The following IGDCC3 variants were observed in gnomAD, a reference collection of about 807,000 sequenced individuals.
The protein encoded by IGDCC3 is putative neuronal cell adhesion molecule.
In IGDCC3, 47 loss-of-function variants were observed where a neutral mutation model predicts 72.0. That is an observed-to-expected ratio of 0.65 (90% CI 0.52 to 0.83). The LOEUF (loss-of-function observed/expected upper bound fraction) is 0.83, where lower values mean the gene tolerates loss of function less well. Among genes scored for constraint, IGDCC3 ranks in the 40% least tolerant of loss-of-function variants. IGDCC3 has a pLI of 0.00. For synonymous variants in IGDCC3, 477 were observed against 472.8 expected (o/e 1.01, Z -0.11); for missense variants, 1,038 against 1,091.3 (o/e 0.95, Z 0.69).
intron 3 of IGDCC3, 27 bp from the exon 4 acceptor site, chr15:65,335,448 C>G (rs1051425549): frequency 1.3e-6 from 2 of 1,591,312 alleles, no homozygotes; most frequent in Non-Finnish European, 1.7e-6. Context: ...CATAGTTGGC[C>G]ACCAGCACAG....
intron 2 of IGDCC3, among the ~76,000 whole-genome samples, chr15:65,364,594 G>C (rs1172846515): frequency 1.3e-5 from 2 of 152,116 alleles, no homozygotes. Flanking sequence ...CAGCACGAAA[G>C]AAAAACAGAG....
Position 65,331,075 on chromosome 15 carries a change from G to A in IGDCC3, c.1536C>T (p.Pro512=), listed in dbSNP as rs1197661902. The change falls in exon 9 of 14, where the codon CCC becomes CCT. Residue 512 remains proline, a synonymous_variant. Coordinates refer to ENST00000327987, the MANE Select transcript of IGDCC3 (RefSeq NM_004884.4). ...CTTCACCCAGGGTGCTAGCTAGGGT[G>A]GGCACAGAGGCTGAGCTGGCCCCCC... The part of the protein sequence containing the change: ...TPRGASSASV[P]TLASTLGEAP... 1 of 1,613,924 alleles carries A rather than the reference G, an allele frequency of 6.2e-7. No homozygotes were observed. Among genetic ancestry groups the A allele is most frequent in the African/African-American group, 1.3e-5 (1 of 74,926 alleles).
Position 65,342,382 on chromosome 15 carries a change from G to A in IGDCC3, c.410-6426C>T, listed in dbSNP as rs141309157. On this transcript the variant is annotated intron_variant, in intron 2 of 13. Transcript: ENST00000327987. ...GCCTGGGCAACAAGAGTGAAACTCC[G>A]TCTCAAAAAAAAAAAAAAATTAGAA... Among the ~76,000 whole-genome samples, 882 of 148,446 alleles carry A rather than the reference G, an allele frequency of 5.9e-3. 16 individuals are homozygous for A. Among genetic ancestry groups the A allele is most frequent in the African/African-American group, 0.021 (837 of 40,132 alleles).
At chr15:65,358,432 C>T in intron 2 of IGDCC3, among the ~76,000 whole-genome samples, 1 of 152,106 alleles carries the variant, frequency 6.6e-6, no homozygotes, top group East Asian at 1.9e-4. Flanking sequence ...GCTATACAGG[C>T]CACTAGCTTC....
At chr15:65,330,780 T>G in intron 9 of IGDCC3, 39 bp from the exon 10 acceptor site, 1 of 1,441,002 alleles carries the variant, frequency 6.9e-7, no homozygotes, top group Non-Finnish European at 9.5e-7. Flanking sequence ...GAGGACCCAG[T>G]GGAAGCTCTA....
At position 65,331,438 on chromosome 15, in the gene IGDCC3, T is replaced by G; in HGVS notation, c.1370A>C (p.Tyr457Ser). The G allele has an allele frequency of 6.2e-7, 1 of 1,610,930 alleles. No homozygotes were observed. Among genetic ancestry groups the G allele is most frequent in the South Asian group, 1.1e-5 (1 of 90,756 alleles). ...AGCAGCCTTCCTGATGTGCAGGACG[T>G]AGCCGATGATCTCCTTGGTGTTGGC... ...PLANTKEIIG[Y>S]VLHIRKAADP... The change falls in exon 8 of 14, where the codon TAC (tyrosine) becomes TCC (serine). Residue 457 changes from tyrosine to serine, a missense_variant. Tyr to Ser is a moderately radical substitution (Grantham distance 144). Coordinates refer to ENST00000327987, the MANE Select transcript of IGDCC3 (RefSeq NM_004884.4).
At chr15:65,333,466 A>G (rs375016637) in intron 5 of IGDCC3, 51 bp from the exon 6 acceptor site, 44 of 1,506,214 alleles carry the variant, frequency 2.9e-5, no homozygotes, top group Non-Finnish European at 3.0e-5. Flanking sequence ...GAGATATGGA[A>G]GAAGGAAAGT....
intron 2 of IGDCC3, among the ~76,000 whole-genome samples, chr15:65,358,872 C>T (rs1403144708): frequency 6.6e-6 from 1 of 152,212 alleles, no homozygotes; most frequent in Non-Finnish European, 1.5e-5. Context: ...GTCACCCAGG[C>T]TGGAGTGGAG....
At position 65,329,468 on chromosome 15, in the gene IGDCC3, C is replaced by G. The variant is rs751057496; in HGVS notation, c.2127G>C (p.Glu709Asp). Residue 709 changes from glutamate (E) to aspartate (D), a missense_variant, in exon 13 of 14, where the codon GAG (glutamate) becomes GAC (aspartate). By Grantham distance (45) the Glu-to-Asp change is conservative. Transcript: ENST00000327987. This position sits in a 1 kb window ranked among gnomAD's most constrained non-coding sequence, Gnocchi z 4.1. ...RGQRGQLGRD[E>D]KRVDMKELEQ... is the part of the protein sequence containing the mutation. ...CCAGCTCCTTCATATCCACACGTTT[C>G]TCGTCTCGGCCCAGCTGGCCCCGCT... 6.2e-7 allele frequency: 1 copy of G among 1,610,930 alleles called. No individual in the cohort carries two copies. The highest frequency in any genetic ancestry group is 8.5e-7 in the Non-Finnish European group (1 of 1,179,050).
intron 2 of IGDCC3, among the ~76,000 whole-genome samples, chr15:65,352,190 T>G (rs890105779): frequency 6.6e-6 from 1 of 152,200 alleles, no homozygotes; most frequent in Admixed American, 6.5e-5. Context: ...GTCAAGGAAA[T>G]TTTTTTGAGC....
chr15:65,377,735 G>T lies in IGDCC3; in HGVS notation c.54C>A (p.Pro18=). The T allele has an allele frequency of 7.4e-7, 1 of 1,343,858 alleles. No individual in the cohort carries two copies. The highest frequency in any genetic ancestry group is 3.1e-5 in the East Asian group (1 of 31,960). 83.2% of individuals were successfully genotyped at this position (1,343,858 alleles called of 1,614,324 possible). Reference sequence around the variant, plus strand: ...GCAACAGCAGCGGCAGCAGGAGCCGGGGCCAGAGCGGGGCGGGCGGGCGGC... The same window carrying T: ...GCAACAGCAGCGGCAGCAGGAGCCGTGGCCAGAGCGGGGCGGGCGGGCGGC... ...SPRRPPAPLW[P]RLLLPLLLLL... The change falls in exon 1 of 14, where the codon CCC becomes CCA. Residue 18 remains proline (P), a synonymous_variant. Transcript: ENST00000327987. The surrounding 1 kb of genome is among the most constrained non-coding windows in gnomAD (Gnocchi z 4.9).
At chr15:65,333,200 G>A (rs1238538215) in intron 6 of IGDCC3, 57 bp downstream of exon 6, 11 of 1,486,388 alleles carry the variant, frequency 7.4e-6, no homozygotes, top group Non-Finnish European at 9.9e-6. Context: ...CCTGGGCTGG[G>A]AGGAAGGGAC....
At chr15:65,344,195 G>C (rs148564356) in intron 2 of IGDCC3, among the ~76,000 whole-genome samples, 5 of 152,322 alleles carry the variant, frequency 3.3e-5, no homozygotes, top group Admixed American at 1.3e-4. Context: ...AGTATGGGAA[G>C]ATGGGTGTCT....
At chr15:65,370,515 AATATAT>A (rs60597969) in intron 2 of IGDCC3, among the ~76,000 whole-genome samples, 1 of 71,250 alleles carries the variant, frequency 1.4e-5, no homozygotes, top group Non-Finnish European at 3.2e-5. Flanking sequence ...TCAAAAAAAA[AATATAT>A]ATATATATAT....
At chr15:65,362,640 G>A (rs1166906295) in intron 2 of IGDCC3, among the ~76,000 whole-genome samples, 3 of 152,076 alleles carry the variant, frequency 2.0e-5, no homozygotes, top group Non-Finnish European at 4.4e-5. Context: ...CAGAATGACT[G>A]ATGACAGGGC....
intron 2 of IGDCC3, among the ~76,000 whole-genome samples, chr15:65,342,720 G>A (rs1397154691): frequency 2.0e-5 from 3 of 152,212 alleles, no homozygotes; most frequent in African/African-American, 7.2e-5. Flanking sequence ...CGTGGACTCA[G>A]AGACTGATGA....
In IGDCC3 at chr15:65,330,563, G is replaced by A. The variant is rs745774268; in HGVS notation, c.1740C>T (p.Asn580=). ...TGTCTGCCTCACCGAGCTGGCTGAG[G>A]TTGTAGGAGGAGACGGTTCCAGGCA... is the stretch of plus-strand genomic sequence containing the variant. ...ILLPGTVSSY[N]LSQLDPTAVY... The change falls in exon 10 of 14, where the codon AAC becomes AAT. Residue 580 remains asparagine, a synonymous_variant. Transcript: ENST00000327987. The A allele has an allele frequency of 6.2e-6, 10 of 1,613,318 alleles. No homozygotes were observed. The highest frequency in any genetic ancestry group is 5.5e-5 in the South Asian group (5 of 91,046).
chr15:65,335,305 C>T lies in IGDCC3; in HGVS notation c.671G>A (p.Arg224Lys), dbSNP rs1489517166. The change falls in exon 4 of 14, where the codon AGG becomes AAG. Residue 224 changes from arginine to lysine, a missense_variant. Transcript: ENST00000327987. The stretch of plus-strand genomic sequence containing the variant: ...AGGACCCTCACCTGACACAGTGAGC[C>T]TGGCCCCGTGGCTGATCCGGATACT... ...IASIRISHGA[R>K]LTVSGSGSGA... 2 of 1,611,798 alleles carry T rather than the reference C, an allele frequency of 1.2e-6. No homozygotes were observed. Among genetic ancestry groups the T allele is most frequent in the Admixed American group, 1.7e-5 (1 of 59,716 alleles).
chr15:65,330,270 C>T lies in IGDCC3; in HGVS notation c.1858+23G>A, dbSNP rs78472195. On this transcript the variant is annotated intron_variant, in intron 11 of 13. Coordinates refer to ENST00000327987, the MANE Select transcript of IGDCC3 (RefSeq NM_004884.4). ...TCCCGGCTTCCCACCCACTCAGCCC[C>T]GCACTCCATCCCCAGCCCTCACCTG... The T allele has an allele frequency of 3.2e-3, 5,017 of 1,560,002 alleles. 173 individuals carry two copies. The East Asian group carries it at 0.084, about 26-fold the overall frequency.
Sources: allele counts gnomAD v4.1 joint callset (sites outside exome capture counted in the v4.1 genomes callset), GRCh38; gene constraint gnomAD v4.1.1; non-coding constraint Gnocchi (gnomAD v3.1); transcripts MANE v1.5; gene names NCBI Gene and HGNC (gene_info 2026-07-23, HGNC 2026-07-21).